The following BRD9 variants were observed in gnomAD, a reference collection of about 807,000 sequenced individuals.
The protein encoded by BRD9 is bromodomain-containing protein 9.
Under a neutral mutation model 68.7 loss-of-function variants are expected in BRD9, and 47 were observed. The ratio of observed to expected loss-of-function variants is 0.68; its 90% CI spans 0.54 to 0.87. The LOEUF (loss-of-function observed/expected upper bound fraction) is 0.87, where lower values mean the gene tolerates loss of function less well. BRD9 is among the 40% of genes least tolerant of loss of function. The pLI, the probability that BRD9 is intolerant of heterozygous loss-of-function variation, is 0.00. For synonymous variants in BRD9, 313 were observed against 293.9 expected (o/e 1.06, Z -0.67); for missense variants, 670 against 748.4 (o/e 0.90, Z 1.22).
chr5:884,113 C>T (rs1487017686), intron 7 of BRD9, 43 bp from the exon 8 acceptor site: 2 of 1,599,318 alleles, frequency 1.3e-6, no homozygotes, highest in African/African-American at 1.3e-5. Flanking sequence ...GCAGCGTCCC[C>T]ACCGCACACC....
At chr5:892,342 T>C in intron 1 of BRD9, 1 of 736,014 alleles carries the variant, frequency 1.4e-6, no homozygotes, top group Non-Finnish European at 2.0e-6. Flanking sequence ...GCACAGATGC[T>C]TCCCTAGTCT....
intron 8 of BRD9, chr5:882,991 C>CA: frequency 3.2e-6 from 1 of 317,324 alleles, no homozygotes; most frequent in Non-Finnish European, 6.1e-6. Flanking sequence ...CACAACCTCC[C>CA]AACACACGGG....
chr5:864,693 G>C (rs1367016747), intron 15 of BRD9, 125 bp from the exon 16 acceptor site: 1 of 747,044 alleles, frequency 1.3e-6, no homozygotes. Flanking sequence ...GGACACAGGG[G>C]CACCTCTCAC....
intron 14 of BRD9, chr5:869,231 G>A (rs1055217533): frequency 2.7e-5 from 12 of 438,636 alleles, no homozygotes; most frequent in African/African-American, 6.1e-5. Flanking sequence ...GATGTGAAGC[G>A]GGACTGGACT....
At chr5:891,054 C>T in intron 3 of BRD9, 101 bp downstream of exon 3, 2 of 1,387,262 alleles carry the variant, frequency 1.4e-6, no homozygotes, top group East Asian at 5.2e-5. Context: ...AGCTCTCCTC[C>T]CTCCCATGCT....
In BRD9 at chr5:865,558, G is replaced by A. The variant is rs1300789138; in HGVS notation, c.1549C>T (p.Pro517Ser). ...TCCAAGTTCAAATGGCTGTCGTCAGGGTCCAGCTCCTTCTTCACCTTCCCT... is the reference window on the plus strand; with the variant it reads ...TCCAAGTTCAAATGGCTGTCGTCAGAGTCCAGCTCCTTCTTCACCTTCCCT... The part of the protein sequence containing the change: ...SLGKVKKELD[P>S]DDSHLNLDET... The change falls in exon 15 of 16, where the codon CCT becomes TCT. Residue 517 changes from proline (P) to serine (S), a missense_variant. By Grantham distance (74) the Pro-to-Ser change is moderately conservative (BLOSUM62 -1). Transcript: ENST00000467963. 3 of 1,602,752 alleles carry A rather than the reference G, an allele frequency of 1.9e-6. No homozygotes were observed. Among genetic ancestry groups the A allele is most frequent in the East Asian group, 4.5e-5 (2 of 44,776 alleles).
At chr5:892,519 G>A (rs1305366416) in intron 1 of BRD9, 87 bp downstream of exon 1, 5 of 1,496,548 alleles carry the variant, frequency 3.3e-6, no homozygotes, top group African/African-American at 1.4e-5. Context: ...CTCGCCCGGT[G>A]CCCAGGACCC....
chr5:891,531 C>T, intron 2 of BRD9, 109 bp downstream of exon 2: 11 of 1,461,440 alleles, frequency 7.5e-6, no homozygotes, highest in Non-Finnish European at 9.0e-6. Context: ...CAACGGAACA[C>T]CCCCTCCCCT....
Position 871,557 on chromosome 5 carries a change from T to C in BRD9, c.1391A>G (p.Asn464Ser), listed in dbSNP as rs775632564. The change falls in exon 13 of 16, where the codon AAT becomes AGT. Residue 464 changes from asparagine (N) to serine (S), a missense_variant. Asn to Ser is a conservative substitution (Grantham distance 46). Around this residue, in one of 5 missense-constraint regions of BRD9, gnomAD observed 280 missense variants for 281.5 expected, o/e 0.99. Transcript: ENST00000467963. ...RTLFQLKQRR[N>S]VPMKPPDEAK... is the part of the protein sequence containing the mutation. ...TTCATCTGGAGGCTTCATGGGAACA[T>C]TTCTTCTCTGAAAAGTAAATGAGGA... 1.2e-6 allele frequency: 2 copies of C among 1,614,172 alleles called. No homozygotes were observed. The highest frequency in any genetic ancestry group is 2.2e-5 in the South Asian group (2 of 91,080).
In BRD9 at chr5:865,453, A is replaced by T; in HGVS notation, c.1654T>A (p.Ser552Thr). ...GGSRPSSNLSSLSNASERDQH... is the reference protein window; with the variant it reads ...GGSRPSSNLSTLSNASERDQH... ...TCCCTCTCGGAGGCGTTGGACAGGGAGCTGAGGTTGGACGACGGCCGAGAG... is the reference window on the plus strand; with the variant it reads ...TCCCTCTCGGAGGCGTTGGACAGGGTGCTGAGGTTGGACGACGGCCGAGAG... Residue 552 changes from serine to threonine, a missense_variant, in exon 15 of 16, where the codon TCC becomes ACC. By Grantham distance (58) the Ser-to-Thr change is moderately conservative (BLOSUM62 1). Transcript: ENST00000467963. 6.3e-7 allele frequency: 1 copy of T among 1,596,594 alleles called. No individual in the cohort carries two copies. Among genetic ancestry groups the T allele is most frequent in the South Asian group, 1.1e-5 (1 of 90,640 alleles).
chr5:886,492 A>G, intron 7 of BRD9, 100 bp downstream of exon 7: 2 of 1,150,684 alleles, frequency 1.7e-6, no homozygotes, highest in Non-Finnish European at 2.5e-6. Context: ...GTGACATGAC[A>G]TCCGTTCTCT....
chr5:892,491 C>G (rs1247144947), intron 1 of BRD9, 115 bp downstream of exon 1: 97 of 1,467,200 alleles, frequency 6.6e-5, no homozygotes, highest in Non-Finnish European at 7.6e-5. Flanking sequence ...CCCAGAACCC[C>G]TCCCTCGTGG....
At chr5:884,470 CTCGGGTGTGG>C (rs1367094106) in intron 7 of BRD9, among the ~76,000 whole-genome samples, 2 of 152,232 alleles carry the variant, frequency 1.3e-5, no homozygotes, top group African/African-American at 2.4e-5. Flanking sequence ...GGCGGGGCTG[CTCGGGTGTGG>C]TCTGGTGCTG....
In BRD9 at chr5:881,387, G is replaced by C. The variant is rs1751731012; in HGVS notation, c.967-205C>G. The C allele has an allele frequency of 2.7e-5, 16 of 600,478 alleles. No individual in the cohort carries two copies. In the South Asian group the frequency reaches 3.2e-4, roughly 12 times the overall value. The allele number at this position is 600,478 out of a possible 1,614,324, so 37.2% of individuals were successfully genotyped here. On this transcript the variant is annotated intron_variant, in intron 8 of 15. Transcript: ENST00000467963. Reference sequence around the variant, plus strand: ...CACAGGTGCCAAGGAGAACCTCTTAGGCTCCCCATGGCCCTGCTATAGGGG... The same window carrying C: ...CACAGGTGCCAAGGAGAACCTCTTACGCTCCCCATGGCCCTGCTATAGGGG...
chr5:883,883 A>G, intron 8 of BRD9, 55 bp downstream of exon 8: 1 of 1,584,536 alleles, frequency 6.3e-7, no homozygotes, highest in Non-Finnish European at 8.6e-7. Context: ...AAGGAGAGGC[A>G]CACAGAGAGT....
rs891400108 is a variant in BRD9 at position 883,799 on chromosome 5, C to T, written c.966+139G>A. ...AGACCAGCCTTATGTGTGTCTGATC[C>T]GGACCTCCCGTCAGGGCCCCACGCT... is the stretch of plus-strand genomic sequence containing the variant. On this transcript the variant is annotated intron_variant, in intron 8 of 15. Coordinates refer to ENST00000467963, the MANE Select transcript of BRD9 (RefSeq NM_023924.5). The T allele has an allele frequency of 2.6e-5, 32 of 1,228,134 alleles. No homozygotes were observed. The East Asian group carries it at 3.8e-4, about 15-fold the overall frequency. 76.1% of individuals were successfully genotyped at this position (1,228,134 alleles called of 1,614,324 possible).
intron 13 of BRD9, among the ~76,000 whole-genome samples, chr5:870,999 ACT>A (rs143543837): frequency 0.019 from 2,842 of 151,998 alleles, 86 homozygotes; most frequent in African/African-American, 0.065. Context: ...CCTAACACAT[ACT>A]CTCTCATCAG....
In BRD9 at chr5:887,391, G is replaced by A; in HGVS notation, c.687C>T (p.Ile229=). 6.2e-7 allele frequency: 1 copy of A among 1,613,742 alleles called. No homozygotes were observed. ...TCATCATCTTAAAGCCTGCGTGAAGGATCTTCTTCGCCAACTTGTAGTACA... is the reference window on the plus strand; with the variant it reads ...TCATCATCTTAAAGCCTGCGTGAAGAATCTTCTTCGCCAACTTGTAGTACA... ...DTVYYKLAKK[I]LHAGFKMMSK... Residue 229 remains isoleucine (I), a synonymous_variant, in exon 6 of 16, where the codon ATC becomes ATT. Coordinates refer to ENST00000467963, the MANE Select transcript of BRD9 (RefSeq NM_023924.5).
intron 12 of BRD9, among the ~76,000 whole-genome samples, chr5:873,389 T>G (rs1302355985): frequency 6.6e-6 from 1 of 152,130 alleles, no homozygotes; most frequent in Admixed American, 6.5e-5. Context: ...AAGCCTAAGC[T>G]AACATTCTTT....
Sources: allele counts gnomAD v4.1 joint callset (sites outside exome capture counted in the v4.1 genomes callset), GRCh38; gene constraint gnomAD v4.1.1; regional missense constraint gnomAD v4.1.1; transcripts MANE v1.5; gene names NCBI Gene and HGNC (gene_info 2026-07-23, HGNC 2026-07-21).